CA10: variants seen among roughly 807,000 people sequenced by gnomAD.
The protein encoded by CA10 is carbonic anhydrase 10 (inactive).
Under a neutral mutation model 44.2 loss-of-function variants are expected in CA10, and 14 were observed. The observed-to-expected ratio is 0.32, with a 90% CI of 0.21 to 0.50. CA10 has a LOEUF of 0.50. Among genes scored for constraint, CA10 ranks in the 20% least tolerant of loss-of-function variants. CA10 has a pLI of 0.99. For synonymous variants in CA10, 159 were observed against 141.6 expected, an observed-to-expected ratio of 1.12 and a Z score of -0.87; for missense variants, 350 against 409.7, an observed-to-expected ratio of 0.85 and a Z score of 1.26.
chr17:52,017,860 A>G (rs552510673), intron 2 of CA10, among the ~76,000 whole-genome samples: 2 of 152,240 alleles, frequency 1.3e-5, no homozygotes, highest in Non-Finnish European at 2.9e-5. Flanking sequence ...CAGGTCTCCC[A>G]CCACAGGCCC....
chr17:51,892,500 T>C (rs1308010096), intron 3 of CA10, among the ~76,000 whole-genome samples: 1 of 152,168 alleles, frequency 6.6e-6, no homozygotes, highest in Non-Finnish European at 1.5e-5. Flanking sequence ...ATGGTGTGAT[T>C]TTGCATGAGT....
At chr17:52,114,665 G>A (rs557149867) in intron 1 of CA10, among the ~76,000 whole-genome samples, 1 of 152,128 alleles carries the variant, frequency 6.6e-6, no homozygotes, top group Admixed American at 6.5e-5. Flanking sequence ...GACCAACACT[G>A]GTCCTACAAA....
chr17:51,919,659 C>T (rs203068), intron 3 of CA10, among the ~76,000 whole-genome samples: 115,787 of 151,562 alleles, frequency 0.76, 44,452 homozygotes, highest in Non-Finnish European at 0.8. Context: ...TTTGATTGTT[C>T]GTTTGTTTTT....
At chr17:51,908,954 AC>A (rs1981678515) in intron 3 of CA10, among the ~76,000 whole-genome samples, 1 of 152,158 alleles carries the variant, frequency 6.6e-6, no homozygotes, top group South Asian at 2.1e-4. Flanking sequence ...GGCCACTCTC[AC>A]TGAATAAAAT....
intron 3 of CA10, among the ~76,000 whole-genome samples, chr17:51,837,385 C>A (rs959080872): frequency 2.0e-5 from 3 of 152,112 alleles, no homozygotes; most frequent in Non-Finnish European, 4.4e-5. Flanking sequence ...TGAAGGTCTA[C>A]CTTTTGGCAA....
At chr17:51,962,920 C>T (rs144798372) in intron 2 of CA10, among the ~76,000 whole-genome samples, 4 of 152,174 alleles carry the variant, frequency 2.6e-5, no homozygotes, top group African/African-American at 9.6e-5. Flanking sequence ...GCAATGGTCT[C>T]CAACCAGAAT....
chr17:51,682,019 C>T (rs1342644528), intron 4 of CA10, among the ~76,000 whole-genome samples: 1 of 152,214 alleles, frequency 6.6e-6, no homozygotes, highest in Non-Finnish European at 1.5e-5. Flanking sequence ...AATCTCCAAG[C>T]TCTATGGTCT....
chr17:51,874,334 T>G lies in CA10; in HGVS notation c.279+56656A>C, dbSNP rs530328945. Among the ~76,000 whole-genome samples the G allele has an allele frequency of 2.9e-4, 44 of 151,948 alleles. 2 individuals carry two copies. The South Asian group carries it at 8.7e-3, about 30-fold the overall frequency. On this transcript the variant is annotated intron_variant, in intron 3 of 8. Transcript: ENST00000451037. ...GTTTTGTCCAACCCCTAATATCATC[T>G]TATTAATTCCATTAAAAATTTCTCA...
intron 3 of CA10, among the ~76,000 whole-genome samples, chr17:51,830,053 C>T (rs752818089): frequency 6.6e-6 from 1 of 151,702 alleles, no homozygotes; most frequent in Non-Finnish European, 1.5e-5. Flanking sequence ...AAAAATTAGC[C>T]GGGTGTGTTG....
In CA10 at chr17:51,717,772, C is replaced by CATGT. The variant is rs2143517555; in HGVS notation, c.465+29860_465+29861insACAT. Among the ~76,000 whole-genome samples the CATGT allele has an allele frequency of 5.0e-4, 25 of 49,742 alleles. 6 individuals carry two copies. Among genetic ancestry groups the CATGT allele is most frequent in the Admixed American group, 1.7e-3 (6 of 3,514 alleles). 32.6% of individuals were successfully genotyped at this position (49,742 alleles called of 152,430 possible). A position where few individuals can be genotyped will look rare whatever the true frequency, so the allele number is the denominator to read the frequency against. ...ATGTATATATACGTATATATGTATACATATATGCATGTATATATGTATATG... is the reference window on the plus strand; with the variant it reads ...ATGTATATATACGTATATATGTATACATGTATATATGCATGTATATATGTATATG... On this transcript the variant is annotated intron_variant, in intron 4 of 8. Transcript: ENST00000451037.
At chr17:51,820,150 A>C (rs1237433636) in intron 3 of CA10, among the ~76,000 whole-genome samples, 1 of 150,142 alleles carries the variant, frequency 6.7e-6, no homozygotes, top group African/African-American at 2.5e-5. Flanking sequence ...ATTTGAACCC[A>C]AGAAGTCTGA....
At chr17:51,696,103 C>A (rs941465605) in intron 4 of CA10, among the ~76,000 whole-genome samples, 2 of 152,114 alleles carry the variant, frequency 1.3e-5, no homozygotes, top group Non-Finnish European at 2.9e-5. Context: ...CTATGTTCAT[C>A]AGGGATATTG....
intron 3 of CA10, among the ~76,000 whole-genome samples, chr17:51,820,839 AT>A (rs1907752772): frequency 1.3e-5 from 2 of 152,074 alleles, no homozygotes; most frequent in Admixed American, 1.3e-4. Flanking sequence ...TACATCAGTT[AT>A]TATTCTTACC....
At chr17:51,649,152 T>C in intron 6 of CA10, 30 bp downstream of exon 6, 1 of 1,525,426 alleles carries the variant, frequency 6.6e-7, no homozygotes, top group Non-Finnish European at 9.1e-7. Flanking sequence ...TATAGAATAG[T>C]TGCTGTGGAG....
chr17:51,714,816 C>CAGGG (rs1168241836), intron 4 of CA10, among the ~76,000 whole-genome samples: 1 of 152,076 alleles, frequency 6.6e-6, no homozygotes, highest in African/African-American at 2.4e-5. Context: ...AGAGAGTGGG[C>CAGGG]AGGGAGGAAT....
chr17:51,768,082 A>G (rs1329633299), intron 3 of CA10, among the ~76,000 whole-genome samples: 1 of 151,698 alleles, frequency 6.6e-6, no homozygotes, highest in Non-Finnish European at 1.5e-5. Context: ...TAACCTGATT[A>G]TTTGCCACAA....
intron 1 of CA10, among the ~76,000 whole-genome samples, chr17:52,115,658 C>T (rs1454904715): frequency 6.6e-6 from 1 of 152,230 alleles, no homozygotes; most frequent in Non-Finnish European, 1.5e-5. Context: ...AGCAGCAGCT[C>T]CCCGCCCCCC....
intron 6 of CA10, among the ~76,000 whole-genome samples, chr17:51,642,140 G>A (rs1350479540): frequency 2.6e-5 from 4 of 152,184 alleles, no homozygotes; most frequent in Admixed American, 2.0e-4. Context: ...AATTGGATTC[G>A]TGGAGGTAAG....
chr17:51,703,126 G>A (rs1377497763), intron 4 of CA10, among the ~76,000 whole-genome samples: 1 of 152,110 alleles, frequency 6.6e-6, no homozygotes, highest in African/African-American at 2.4e-5. Context: ...GTGGCTGACT[G>A]GGGACTTGAA....
Sources: gnomAD v4.1 joint callset for allele counts (sites outside exome capture counted in the v4.1 genomes callset) on GRCh38, gnomAD v4.1.1 for gene constraint, MANE v1.5 for transcripts, NCBI Gene and HGNC (gene_info 2026-07-23, HGNC 2026-07-21) for gene names.